The following TUSC3 variants were observed in gnomAD, a reference collection of about 807,000 sequenced individuals.
TUSC3 encodes dolichyl-diphosphooligosaccharide--protein glycosyltransferase subunit TUSC3.
In TUSC3, 45 loss-of-function variants were observed where a neutral mutation model predicts 44.8. That is an observed-to-expected ratio of 1.00 (90% CI 0.79 to 1.29). The LOEUF is 1.29. Ranked by LOEUF, TUSC3 falls within the 50% of genes most tolerant of loss-of-function variation. The pLI, the probability that TUSC3 is intolerant of heterozygous loss-of-function variation, is 0.00. For synonymous variants in TUSC3, 212 were observed against 152.9 expected (o/e 1.39, Z -2.85); for missense variants, 519 against 437.9 (o/e 1.19, Z -1.65).
At position 15,439,125 on chromosome 8, in the gene TUSC3, GAGA is replaced by G. The variant is rs1193862952; in HGVS notation, n.91+21826_91+21828del. ...ATACATCCATCAGGGATGAAGCCAGGAGAAGAAGGGCTGACCTTCACCCATTTC... is the reference window on the plus strand; with the variant it reads ...ATACATCCATCAGGGATGAAGCCAGGAGAAGGGCTGACCTTCACCCATTTC... On this transcript the variant is annotated intron_variant and non_coding_transcript_variant, in intron 1 of 5. Transcript: ENST00000503191. Among the ~76,000 whole-genome samples the G allele has an allele frequency of 9.8e-5, 15 of 152,296 alleles. No individual in the cohort carries two copies. The East Asian group carries it at 1.7e-3, about 18-fold the overall frequency.
At chr8:15,844,348 A>G in the TUSC3 span, among the ~76,000 whole-genome samples, 1 of 152,166 alleles carries the variant, frequency 6.6e-6, no homozygotes, top group South Asian at 2.1e-4. Flanking sequence ...TGTGCTTTCA[A>G]AGTATCAAAG....
chr8:15,561,856 T>C (rs937445853), intron 1 of TUSC3, among the ~76,000 whole-genome samples: 1 of 152,108 alleles, frequency 6.6e-6, no homozygotes, highest in African/African-American at 2.4e-5. Flanking sequence ...CCTCGCCCTG[T>C]TTCGGCTGGC....
At chr8:15,576,279 G>GTTTTTTTTTTTTTT (rs1175068882) in intron 1 of TUSC3, among the ~76,000 whole-genome samples, 3 of 104,790 alleles carry the variant, frequency 2.9e-5, no homozygotes, top group Non-Finnish European at 2.1e-5. Context: ...TGGTCCTCTT[G>GTTTTTTTTTTTTTT]TTTTTTTTTT....
chr8:15,748,624 G>T, intron 9 of TUSC3, 159 bp downstream of exon 9: 1 of 760,024 alleles, frequency 1.3e-6, no homozygotes, highest in South Asian at 1.4e-5. Flanking sequence ...TCAGCATAGT[G>T]AAGTACACAA....
chr8:15,730,568 C>T (rs1810678426), intron 6 of TUSC3, 98 bp from the exon 7 acceptor site: 6 of 1,169,378 alleles, frequency 5.1e-6, no homozygotes, highest in South Asian at 2.7e-5. Flanking sequence ...TAGTAAAAAT[C>T]GAATTAGATT....
At chr8:15,419,576 G>T (rs920817177) in intron 1 of TUSC3, among the ~76,000 whole-genome samples, 1 of 152,026 alleles carries the variant, frequency 6.6e-6, no homozygotes, top group Admixed American at 6.6e-5. Flanking sequence ...TTCAGTCTAC[G>T]GTTATACGTG....
intron 1 of TUSC3, among the ~76,000 whole-genome samples, chr8:15,478,395 A>G (rs1269574855): frequency 1.1e-4 from 17 of 152,142 alleles, no homozygotes; most frequent in Admixed American, 1.1e-3. Context: ...TAAGGCTCAC[A>G]TGCATTAGCT....
At chr8:15,775,606 A>C in the TUSC3 span, among the ~76,000 whole-genome samples, 1 of 145,758 alleles carries the variant, frequency 6.9e-6, no homozygotes, top group Non-Finnish European at 1.5e-5. Flanking sequence ...AAATATTTAC[A>C]TGTATGTACA....
chr8:15,604,028 T>C (rs913130165), intron 1 of TUSC3, among the ~76,000 whole-genome samples: 1 of 151,512 alleles, frequency 6.6e-6, no homozygotes, highest in Non-Finnish European at 1.5e-5. Context: ...AATGGAAAAA[T>C]GTAATATATT....
At chr8:15,757,726 T>C (rs1026133773) in intron 9 of TUSC3, 65 bp from the exon 10 acceptor site, 14 of 1,474,524 alleles carry the variant, frequency 9.5e-6, no homozygotes, top group Middle Eastern at 1.7e-4. Flanking sequence ...ATTGTACAAA[T>C]GGAAATTCAA....
At chr8:15,728,368 TC>T (rs1810584814) in intron 6 of TUSC3, among the ~76,000 whole-genome samples, 1 of 151,558 alleles carries the variant, frequency 6.6e-6, no homozygotes, top group African/African-American at 2.4e-5. Flanking sequence ...TCCTAGTTCT[TC>T]CTGGTAGCGG....
intron 1 of TUSC3, among the ~76,000 whole-genome samples, chr8:15,583,463 G>A (rs2129147655): frequency 6.6e-6 from 1 of 152,262 alleles, no homozygotes; most frequent in South Asian, 2.1e-4. Flanking sequence ...CTTGGAAAAT[G>A]AAAAATAATA....
chr8:15,582,815 A>C lies in TUSC3; in HGVS notation c.139-40265A>C, dbSNP rs531906024. 3.9e-5 allele frequency among the ~76,000 whole-genome samples: 6 copies of C among 152,348 alleles called. No homozygotes were observed. In the South Asian group the frequency reaches 1.2e-3, roughly 32 times the overall value. On this transcript the variant is annotated intron_variant, in intron 1 of 10. Transcript: ENST00000503731. ...AGTTACAGTCACTCACCACCTCCCC[A>C]GAACTTTACTAGAGCCAGTGACCTT...
At chr8:15,429,499 C>T (rs1221583991) in intron 1 of TUSC3, among the ~76,000 whole-genome samples, 1 of 151,360 alleles carries the variant, frequency 6.6e-6, no homozygotes, top group Non-Finnish European at 1.5e-5. Flanking sequence ...TTTTCCAATT[C>T]TGTGAAGAAA....
At chr8:15,511,239 T>C (rs1191989262) in intron 2 of TUSC3, among the ~76,000 whole-genome samples, 1 of 146,630 alleles carries the variant, frequency 6.8e-6, no homozygotes, top group East Asian at 2.0e-4. Context: ...TTCTCTCCAG[T>C]AGAAGGAGGG....
intron 9 of TUSC3, among the ~76,000 whole-genome samples, chr8:15,754,057 C>T (rs1811818621): frequency 6.6e-6 from 1 of 152,054 alleles, no homozygotes; most frequent in Non-Finnish European, 1.5e-5. Flanking sequence ...TTCCTGGAAG[C>T]ATTTACCTGT....
chr8:15,427,883 G>A (rs73189466), intron 1 of TUSC3, among the ~76,000 whole-genome samples: 20,900 of 152,052 alleles, frequency 0.14, 1,541 homozygotes, highest in Middle Eastern at 0.21. Context: ...ACAGTTTCAA[G>A]TTTTCCATTT....
intron 2 of TUSC3, among the ~76,000 whole-genome samples, chr8:15,488,899 A>G (rs1475991780): frequency 6.6e-6 from 1 of 152,240 alleles, no homozygotes; most frequent in Non-Finnish European, 1.5e-5. Context: ...TGACTAAAAC[A>G]GTCATCTTCT....
At chr8:15,669,605 T>C (rs1807851112) in intron 5 of TUSC3, among the ~76,000 whole-genome samples, 1 of 151,752 alleles carries the variant, frequency 6.6e-6, no homozygotes, top group African/African-American at 2.4e-5. Context: ...TCTGTGCTAA[T>C]AAACAAAAAA....
Sources: gnomAD v4.1 joint callset for allele counts (sites outside exome capture counted in the v4.1 genomes callset) on GRCh38, gnomAD v4.1.1 for gene constraint, MANE v1.5 for transcripts, NCBI Gene and HGNC (gene_info 2026-07-23, HGNC 2026-07-21) for gene names.